The following TRHDE variants were observed in gnomAD, a reference collection of about 807,000 sequenced individuals.
The protein encoded by TRHDE is thyrotropin releasing hormone degrading enzyme.
A neutral mutation model predicts 125.7 loss-of-function variants in TRHDE; 72 were observed. The ratio of observed to expected loss-of-function variants is 0.57; its 90% CI spans 0.47 to 0.70. The LOEUF is 0.70. Ranked by LOEUF, TRHDE falls within the 30% of genes least tolerant of loss-of-function variation. The pLI is 0.00. For synonymous variants in TRHDE, 509 were observed against 509.1 expected (o/e 1.00, Z 0.00); for missense variants, 1,110 against 1,327.1 (o/e 0.84, Z 2.54).
intron 2 of TRHDE, among the ~76,000 whole-genome samples, chr12:72,228,384 C>T (rs916394178): frequency 4.0e-4 from 61 of 152,270 alleles, no homozygotes; most frequent in African/African-American, 1.4e-3. Context: ...GGATGTTGGC[C>T]TGTTTTAGCC....
At chr12:72,267,640 A>G (rs998241736), upstream of TRHDE, among the ~76,000 whole-genome samples, 6 of 151,954 alleles carry the variant, frequency 3.9e-5, no homozygotes, top group Admixed American at 3.9e-4. Flanking sequence ...AGTGAGACCT[A>G]ATCTCTAAAA....
intron 2 of TRHDE, among the ~76,000 whole-genome samples, chr12:72,231,451 A>G (rs1438344432): frequency 6.6e-6 from 1 of 152,104 alleles, no homozygotes; most frequent in African/African-American, 2.4e-5. Context: ...CTGTTGTGCG[A>G]TAGTTTAGGA....
chr12:72,122,261 T>A lies in TRHDE; in HGVS notation n.279+16509T>A, dbSNP rs1875603578. Among the ~76,000 whole-genome samples the A allele has an allele frequency of 2.0e-5, 3 of 152,216 alleles. No homozygotes were observed. In the South Asian group the frequency reaches 6.2e-4, roughly 32 times the overall value. On this transcript the variant is annotated intron_variant and non_coding_transcript_variant, in intron 2 of 4. Transcript: ENST00000548156. The stretch of plus-strand genomic sequence containing the variant: ...ACCCAATTGCAAAGGATTTAATCTT[T>A]ACAATCAATTCTTTATTCTGTGTCA...
At chr12:72,225,661 T>G (rs1339029860) in intron 2 of TRHDE, among the ~76,000 whole-genome samples, 1 of 152,208 alleles carries the variant, frequency 6.6e-6, no homozygotes, top group African/African-American at 2.4e-5. Context: ...TTTCTTTCCT[T>G]CTGTTTATAA....
chr12:72,554,510 C>T (rs1393229855), intron 7 of TRHDE, among the ~76,000 whole-genome samples: 1 of 152,130 alleles, frequency 6.6e-6, no homozygotes, highest in Non-Finnish European at 1.5e-5. Context: ...TACATTTCTT[C>T]CCAAGTTGTC....
At position 72,250,984 on chromosome 12, in the gene TRHDE, A is replaced by C. The variant is rs570962480; in HGVS notation, n.280-127011A>C. Among the ~76,000 whole-genome samples the C allele has an allele frequency of 4.4e-4, 67 of 151,640 alleles. No individual in the cohort carries two copies. The South Asian group carries it at 0.014, about 31-fold the overall frequency. ...AACTTTTTATTTTGAGACCATTGAG[A>C]TACATATGCAATTACAAGAAATAAT... On this transcript the variant is annotated intron_variant and non_coding_transcript_variant, in intron 2 of 4. Coordinates refer to the TRHDE transcript ENST00000548156.
chr12:72,391,980 C>CAT (rs1284208697), intron 3 of TRHDE, among the ~76,000 whole-genome samples: 1 of 152,130 alleles, frequency 6.6e-6, no homozygotes, highest in African/African-American at 2.4e-5. Flanking sequence ...AGGTCATTAA[C>CAT]ATGGAATCCT....
intron 2 of TRHDE, among the ~76,000 whole-genome samples, chr12:72,117,827 T>C (rs997190611): frequency 6.6e-6 from 1 of 152,120 alleles, no homozygotes; most frequent in Middle Eastern, 3.4e-3. Context: ...ATTTTACTTG[T>C]AGCTATTGTA....
intron 3 of TRHDE, among the ~76,000 whole-genome samples, chr12:72,381,972 G>A (rs943722690): frequency 1.3e-5 from 2 of 152,182 alleles, no homozygotes; most frequent in African/African-American, 4.8e-5. Flanking sequence ...AGAATATTAT[G>A]ATGTGTAAAG....
rs188519124 is a variant in TRHDE at position 72,194,833 on chromosome 12, C to T, written n.279+89081C>T. On this transcript the variant is annotated intron_variant and non_coding_transcript_variant, in intron 2 of 4. Coordinates refer to the TRHDE transcript ENST00000548156. ...TTTGCTATTGTGAATAGTGCTGCTA[C>T]GAGTGGATGTGTCTTTTTGGTAGAA... Among the ~76,000 whole-genome samples the T allele has an allele frequency of 3.1e-3, 475 of 152,140 alleles. 3 individuals are homozygous for T. Among genetic ancestry groups the T allele is most frequent in the Non-Finnish European group, 5.1e-3 (347 of 67,998 alleles).
chr12:72,348,989 T>C (rs1870458440), intron 2 of TRHDE, among the ~76,000 whole-genome samples: 1 of 152,172 alleles, frequency 6.6e-6, no homozygotes, highest in Admixed American at 6.5e-5. Flanking sequence ...ATTTTGCTTT[T>C]TCAAGCTGAA....
At chr12:72,595,821 C>T (rs1871914635) in intron 12 of TRHDE, among the ~76,000 whole-genome samples, 1 of 151,792 alleles carries the variant, frequency 6.6e-6, no homozygotes, top group Non-Finnish European at 1.5e-5. Flanking sequence ...TAGCTTAGGC[C>T]CAGTGAGTGT....
intron 5 of TRHDE, among the ~76,000 whole-genome samples, chr12:72,482,786 T>C (rs1877232155): frequency 6.6e-6 from 1 of 152,000 alleles, no homozygotes; most frequent in African/African-American, 2.4e-5. Context: ...ATTCTGTTCC[T>C]AACTATTTGC....
intron 3 of TRHDE, among the ~76,000 whole-genome samples, chr12:72,405,079 T>A (rs1357301914): frequency 1.3e-5 from 2 of 152,212 alleles, no homozygotes; most frequent in African/African-American, 4.8e-5. Context: ...GTGCCTACTA[T>A]GTTTAATGTG....
chr12:72,090,700 A>G (rs1055446670), intron 1 of TRHDE, among the ~76,000 whole-genome samples: 2 of 152,184 alleles, frequency 1.3e-5, no homozygotes, highest in African/African-American at 2.4e-5. Flanking sequence ...AACCTTTTAT[A>G]TTACTGACAT....
chr12:72,221,939 C>A (rs2628428), intron 2 of TRHDE, among the ~76,000 whole-genome samples: 113,762 of 151,964 alleles, frequency 0.75, 42,845 homozygotes, highest in South Asian at 0.78. Context: ...GGGTTCTGGA[C>A]CAGCATCTCT....
intron 3 of TRHDE, among the ~76,000 whole-genome samples, chr12:72,441,835 T>C (rs747502651): frequency 3.3e-5 from 5 of 151,834 alleles, no homozygotes; most frequent in African/African-American, 7.2e-5. Context: ...ATTTCAGCGA[T>C]AGTGCTTGAA....
intron 3 of TRHDE, among the ~76,000 whole-genome samples, chr12:72,439,802 G>A (rs1874915478): frequency 6.6e-6 from 1 of 151,546 alleles, no homozygotes; most frequent in African/African-American, 2.4e-5. Context: ...GTGGTAAGAG[G>A]GAGCATCATT....
chr12:72,198,361 A>G (rs1174047451), intron 2 of TRHDE, among the ~76,000 whole-genome samples: 1 of 151,860 alleles, frequency 6.6e-6, no homozygotes, highest in Non-Finnish European at 1.5e-5. Context: ...TCCTTTTTTA[A>G]TTGTCAATTT....
Sources: gnomAD v4.1 joint callset for allele counts (sites outside exome capture counted in the v4.1 genomes callset) on GRCh38, gnomAD v4.1.1 for gene constraint, MANE v1.5 for transcripts, NCBI Gene and HGNC (gene_info 2026-07-23, HGNC 2026-07-21) for gene names.